The following CDH18 variants were observed in gnomAD, a reference collection of about 807,000 sequenced individuals.
CDH18 encodes the protein cadherin-18.
A neutral mutation model predicts 67.9 loss-of-function variants in CDH18; 31 were observed. The ratio of observed to expected loss-of-function variants is 0.46; its 90% CI spans 0.34 to 0.62. CDH18 has a LOEUF of 0.62. Among genes scored for constraint, CDH18 ranks in the 20% least tolerant of loss-of-function variants. The pLI is 0.01. For synonymous variants in CDH18, 362 were observed against 347.2 expected, an observed-to-expected ratio of 1.04 and a Z score of -0.48; for missense variants, 890 against 975.5, an observed-to-expected ratio of 0.91 and a Z score of 1.17.
At chr5:19,751,579 G>T (rs1770848825) in intron 3 of CDH18, among the ~76,000 whole-genome samples, 1 of 152,100 alleles carries the variant, frequency 6.6e-6, no homozygotes, top group African/African-American at 2.4e-5. Context: ...CTTCATTCCA[G>T]AATGTATTAC....
At chr5:19,914,492 C>A (rs970407130) in intron 2 of CDH18, among the ~76,000 whole-genome samples, 6 of 152,000 alleles carry the variant, frequency 3.9e-5, no homozygotes, top group Non-Finnish European at 2.9e-5. Context: ...TATATAAATG[C>A]ATACACACTT....
At chr5:20,047,831 T>A (rs575629550) in intron 2 of CDH18, among the ~76,000 whole-genome samples, 1 of 151,804 alleles carries the variant, frequency 6.6e-6, no homozygotes, top group Admixed American at 6.6e-5. Flanking sequence ...TGATACTCTT[T>A]CAGCAAATTG....
intron 9 of CDH18, among the ~76,000 whole-genome samples, chr5:19,541,147 T>C (rs966578058): frequency 6.6e-6 from 1 of 152,168 alleles, no homozygotes; most frequent in Non-Finnish European, 1.5e-5. Flanking sequence ...TCTGCTAAGG[T>C]ACAATAAGAG....
intron 2 of CDH18, among the ~76,000 whole-genome samples, chr5:20,090,350 T>C (rs1580214988): frequency 2.0e-5 from 3 of 151,868 alleles, no homozygotes; most frequent in Middle Eastern, 3.2e-3. Context: ...GCTTGACCAA[T>C]ATAGAGAAAC....
intron 5 of CDH18, among the ~76,000 whole-genome samples, chr5:19,702,129 T>A (rs1763335989): frequency 1.4e-5 from 2 of 143,110 alleles, no homozygotes; most frequent in Non-Finnish European, 3.0e-5. Context: ...TCTGCAGTGT[T>A]CTTTCTTTCT....
At chr5:19,526,307 G>A (rs919702139) in intron 9 of CDH18, among the ~76,000 whole-genome samples, 1 of 152,074 alleles carries the variant, frequency 6.6e-6, no homozygotes, top group Non-Finnish European at 1.5e-5. Flanking sequence ...AATCATCTGT[G>A]CTTTATGCAA....
chr5:20,075,926 G>A (rs1020889724), intron 2 of CDH18, among the ~76,000 whole-genome samples: 1 of 151,950 alleles, frequency 6.6e-6, no homozygotes, highest in Non-Finnish European at 1.5e-5. Context: ...TTCTTTATGT[G>A]GAATTAAAAA....
chr5:20,309,223 G>T (rs1736776660), intron 1 of CDH18, among the ~76,000 whole-genome samples: 1 of 152,192 alleles, frequency 6.6e-6, no homozygotes. Flanking sequence ...GAGGGAGGAA[G>T]AAACAGAGAA....
chr5:20,554,075 T>C (rs544359516), intron 1 of CDH18, among the ~76,000 whole-genome samples: 2 of 152,306 alleles, frequency 1.3e-5, no homozygotes, highest in South Asian at 4.1e-4. Context: ...CCCATATTTT[T>C]AAATGTAATG....
At chr5:20,569,679 T>C (rs987569620) in intron 1 of CDH18, among the ~76,000 whole-genome samples, 2 of 152,138 alleles carry the variant, frequency 1.3e-5, no homozygotes, top group African/African-American at 4.8e-5. Context: ...TCATTGGTAT[T>C]TACCCAAATG....
chr5:19,681,959 G>GA (rs1169648434), intron 5 of CDH18, among the ~76,000 whole-genome samples: 1 of 151,702 alleles, frequency 6.6e-6, no homozygotes, highest in Non-Finnish European at 1.5e-5. Flanking sequence ...CAATACCACA[G>GA]AAAGTATCTT....
rs547179917 is a variant in CDH18 at position 20,162,691 on chromosome 5, G to A, written c.-518+92753C>T. Among the ~76,000 whole-genome samples the A allele has an allele frequency of 2.2e-3, 331 of 151,120 alleles. 2 individuals carry two copies. Among genetic ancestry groups the A allele is most frequent in the African/African-American group, 7.5e-3 (309 of 41,218 alleles). On this transcript the variant is annotated intron_variant, in intron 2 of 14. Transcript: ENST00000507958. ...GTCAGCGCTATGCTTGGGAGTTTAT[G>A]TATATGTATATACATACATATATAT... is the stretch of plus-strand genomic sequence containing the variant.
intron 5 of CDH18, among the ~76,000 whole-genome samples, chr5:19,648,780 C>A (rs1336952860): frequency 6.6e-6 from 1 of 151,630 alleles, no homozygotes; most frequent in Non-Finnish European, 1.5e-5. Context: ...CAAATATCCT[C>A]TTTCTCACTC....
intron 1 of CDH18, among the ~76,000 whole-genome samples, chr5:20,397,201 G>A (rs752250339): frequency 8.9e-4 from 136 of 152,180 alleles, no homozygotes; most frequent in Non-Finnish European, 1.5e-3. Flanking sequence ...TACGATCTTG[G>A]CTCACGGCAA....
At chr5:20,043,560 T>G (rs951076255) in intron 2 of CDH18, among the ~76,000 whole-genome samples, 3 of 152,202 alleles carry the variant, frequency 2.0e-5, no homozygotes, top group African/African-American at 7.2e-5. Context: ...TTCATGGTCC[T>G]CTGTTTACAA....
In CDH18 at chr5:19,721,139, G is replaced by T. The variant is rs112417037; in HGVS notation, c.643+208C>A. Reference sequence around the variant, plus strand: ...TTTCTTGCACGGGTATAAATAATGGGTTATCAACATAATAGGGAAAGCATA... The same window carrying T: ...TTTCTTGCACGGGTATAAATAATGGTTTATCAACATAATAGGGAAAGCATA... On this transcript the variant is annotated intron_variant, in intron 5 of 12. Transcript: ENST00000382275. Among the ~76,000 whole-genome samples the T allele has an allele frequency of 7.8e-4, 119 of 152,158 alleles. 1 individual carries two copies. Among genetic ancestry groups the T allele is most frequent in the Non-Finnish European group, 1.4e-3 (92 of 68,018 alleles).
At chr5:19,926,899 T>G (rs1057209554) in intron 2 of CDH18, among the ~76,000 whole-genome samples, 1 of 152,076 alleles carries the variant, frequency 6.6e-6, no homozygotes, top group Non-Finnish European at 1.5e-5. Flanking sequence ...ATAGAAAAGG[T>G]TTGCATAAGG....
At chr5:20,257,667 C>T (rs1037076459) in intron 1 of CDH18, among the ~76,000 whole-genome samples, 2 of 152,106 alleles carry the variant, frequency 1.3e-5, no homozygotes, top group African/African-American at 2.4e-5. Flanking sequence ...CACCAATAAA[C>T]AATTCAATTT....
At chr5:20,564,718 T>C (rs1455740771) in intron 1 of CDH18, among the ~76,000 whole-genome samples, 1 of 152,176 alleles carries the variant, frequency 6.6e-6, no homozygotes, top group Non-Finnish European at 1.5e-5. Flanking sequence ...ACTTTTGGCA[T>C]TTTAGAGGGA....
Sources: allele counts gnomAD v4.1 joint callset (sites outside exome capture counted in the v4.1 genomes callset), GRCh38; gene constraint gnomAD v4.1.1; transcripts MANE v1.5; gene names NCBI Gene and HGNC (gene_info 2026-07-23, HGNC 2026-07-21).